Variants in COL12A1 observed in about 807,000 individuals in gnomAD.
COL12A1 encodes collagen alpha-1(XII) chain.
A neutral mutation model predicts 349.7 loss-of-function variants in COL12A1; 114 were observed. The observed-to-expected ratio is 0.33, with a 90% CI of 0.28 to 0.38. The LOEUF (loss-of-function observed/expected upper bound fraction) is 0.38, where lower values mean the gene tolerates loss of function less well. Among genes scored for constraint, COL12A1 ranks in the 10% least tolerant of loss-of-function variants. COL12A1 has a pLI of 1.00. For synonymous variants in COL12A1, 1,369 were observed against 1,329.0 expected (o/e 1.03, Z -0.66); for missense variants, 3,284 against 3,756.9 (o/e 0.87, Z 3.29).
chr6:75,184,200 T>C, intron 8 of COL12A1, 56 bp from the exon 9 acceptor site: 8 of 1,552,162 alleles, frequency 5.2e-6, no homozygotes, highest in Non-Finnish European at 7.0e-6. Flanking sequence ...CCTTACTAAT[T>C]TGGTCTTTAG....
At chr6:75,133,558 C>A (rs1298243636) in intron 33 of COL12A1, 136 bp from the exon 34 acceptor site, 2 of 902,312 alleles carry the variant, frequency 2.2e-6, no homozygotes, top group Admixed American at 2.8e-5. Flanking sequence ...AATAAGCCCC[C>A]ACATGACCTG....
Position 75,133,314 on chromosome 6 carries a change from T to G in COL12A1, c.5773A>C (p.Thr1925Pro), listed in dbSNP as rs759922276. The G allele has an allele frequency of 6.2e-7, 1 of 1,602,096 alleles. No homozygotes were observed. Residue 1925 changes from threonine (T) to proline (P), a missense_variant, in exon 34 of 66, where the codon ACA (threonine) becomes CCA (proline). Around this residue, in one of 2 missense-constraint regions of COL12A1, gnomAD observed 2,601 missense variants for 2,824.8 expected, o/e 0.92. Coordinates refer to ENST00000322507, the MANE Select transcript of COL12A1 (RefSeq NM_004370.6). Reference protein sequence around the residue: ...PVYTEGDGGRTSDTGRTLMRG... With the variant: ...PVYTEGDGGRPSDTGRTLMRG... ...TTACATGTCCTTCCAGTATCTGATG[T>G]GCGTCCCCCATCACCTTCAGTATAA... is the stretch of plus-strand genomic sequence containing the variant.
intron 21 of COL12A1, 68 bp downstream of exon 21, chr6:75,151,073 C>CCACAA: frequency 7.0e-6 from 5 of 714,238 alleles, no homozygotes; most frequent in South Asian, 3.7e-5. Context: ...CCCCCCCACC[C>CCACAA]AAAAGAATAA....
At chr6:75,106,740 A>G (rs1408683833) in intron 52 of COL12A1, among the ~76,000 whole-genome samples, 29 of 152,100 alleles carry the variant, frequency 1.9e-4, no homozygotes, top group Admixed American at 1.9e-3. Context: ...GCCAAAATGC[A>G]TGTTTGAACA....
chr6:75,101,946 G>A (rs1293168715), intron 57 of COL12A1, 53 bp downstream of exon 57: 3 of 1,595,122 alleles, frequency 1.9e-6, no homozygotes, highest in Non-Finnish European at 2.6e-6. Context: ...TGAGGCACTA[G>A]AAAAGGAAAT....
chr6:75,177,946 A>G lies in COL12A1; in HGVS notation c.2165-11T>C, dbSNP rs762174422. The G allele has an allele frequency of 6.3e-7, 1 of 1,580,936 alleles. No individual in the cohort carries two copies. Reference sequence around the variant, plus strand: ...GAGGTGCTCCTTTTACTGAAATAAAAAAGGAAAAATAGATTTTAAACCATA... The same window carrying G: ...GAGGTGCTCCTTTTACTGAAATAAAGAAGGAAAAATAGATTTTAAACCATA... On this transcript the variant is annotated splice_polypyrimidine_tract_variant and intron_variant, in intron 11 of 65. Coordinates refer to ENST00000322507, the MANE Select transcript of COL12A1 (RefSeq NM_004370.6).
chr6:75,141,822 C>A (rs1766905324), intron 27 of COL12A1, among the ~76,000 whole-genome samples: 1 of 152,074 alleles, frequency 6.6e-6, no homozygotes, highest in Non-Finnish European at 1.5e-5. Context: ...ATGACAGTGG[C>A]TGATGGAAAG....
chr6:75,183,801 T>C, intron 9 of COL12A1, 53 bp downstream of exon 9: 2 of 1,592,074 alleles, frequency 1.3e-6, no homozygotes, highest in Non-Finnish European at 1.7e-6. Flanking sequence ...TAAGGCATTC[T>C]GTCAAACAGA....
chr6:75,204,572 C>A (rs1165829080), intron 1 of COL12A1, among the ~76,000 whole-genome samples: 1 of 152,180 alleles, frequency 6.6e-6, no homozygotes. Flanking sequence ...AGCAACACTT[C>A]ATTGAGCATT....
At position 75,154,436 on chromosome 6, in the gene COL12A1, A is replaced by T. The variant is rs377419488; in HGVS notation, c.3545T>A (p.Val1182Asp). 9.3e-6 allele frequency: 15 copies of T among 1,612,140 alleles called. No individual in the cohort carries two copies. Among genetic ancestry groups the T allele is most frequent in the Non-Finnish European group, 1.3e-5 (15 of 1,178,866 alleles). The change falls in exon 17 of 66, where the codon GTT becomes GAT. Residue 1182 changes from valine to aspartate, a missense_variant. Val to Asp is a radical substitution (Grantham distance 152). Transcript: ENST00000322507. ...CTTACCAGAAGATAAAATTGGCATA[A>T]CAGTTGTGTCGGAAAGGGTTGTCAT... ...QEMTTLSDTT[V>D]MPILSSGMEC...
intron 17 of COL12A1, 119 bp from the exon 18 acceptor site, chr6:75,152,601 A>G (rs1767551000): frequency 9.0e-7 from 1 of 1,112,028 alleles, no homozygotes; most frequent in Non-Finnish European, 1.3e-6. Context: ...ACTATGGTCT[A>G]GCTCAGTGAT....
chr6:75,139,078 A>G (rs1416412578), intron 27 of COL12A1, 117 bp from the exon 28 acceptor site: 2 of 1,180,144 alleles, frequency 1.7e-6, no homozygotes, highest in Non-Finnish European at 1.2e-6. Flanking sequence ...GATTGAATAC[A>G]TTGCTTAGAA....
At chr6:75,191,840 TAGTTTTTG>T in intron 4 of COL12A1, 80 bp from the exon 5 acceptor site, 3 of 852,924 alleles carry the variant, frequency 3.5e-6, no homozygotes, top group Non-Finnish European at 5.0e-6. Context: ...TATATTATAT[TAGTTTTTG>T]TTATTGTCTC....
chr6:75,165,762 C>T lies in COL12A1; in HGVS notation c.2728G>A (p.Asp910Asn), dbSNP rs1324089499. 6.2e-7 allele frequency: 1 copy of T among 1,613,722 alleles called. No homozygotes were observed. ...TCAGTGATGTCTTTAGTAACTAAAT[C>T]TTGAGGAGAACCACGTTCTAGAACA... ...TTLEERGSPQ[D>N]LVTKDITDTS... The change falls in exon 14 of 66, where the codon GAT (aspartate) becomes AAT (asparagine). Residue 910 changes from aspartate (D) to asparagine (N), a missense_variant. Asp to Asn is a conservative substitution (Grantham distance 23, BLOSUM62 1). Coordinates refer to ENST00000322507, the MANE Select transcript of COL12A1 (RefSeq NM_004370.6).
At chr6:75,144,421 C>A (rs1767072144) in intron 25 of COL12A1, among the ~76,000 whole-genome samples, 1 of 152,150 alleles carries the variant, frequency 6.6e-6, no homozygotes, top group Non-Finnish European at 1.5e-5. Flanking sequence ...CTCTTCTCTG[C>A]CCCATCATGC....
At chr6:75,118,873 A>T (rs896755549) in intron 46 of COL12A1, among the ~76,000 whole-genome samples, 170 bp downstream of exon 46, 2 of 152,232 alleles carry the variant, frequency 1.3e-5, no homozygotes, top group African/African-American at 2.4e-5. Context: ...ATTTTTGAGC[A>T]GTTGCAAACC....
At chr6:75,109,331 C>T (rs2149353355) in intron 51 of COL12A1, among the ~76,000 whole-genome samples, 164 bp from the exon 52 acceptor site, 1 of 152,180 alleles carries the variant, frequency 6.6e-6, no homozygotes. Flanking sequence ...TTGATGAAAT[C>T]ATTTGCTAAT....
intron 14 of COL12A1, among the ~76,000 whole-genome samples, chr6:75,161,259 A>G (rs997401274): frequency 9.9e-5 from 15 of 152,204 alleles, no homozygotes; most frequent in African/African-American, 3.6e-4. Flanking sequence ...TTTCTCATCA[A>G]TGTTATGATA....
In COL12A1 at chr6:75,119,143, C is replaced by G; in HGVS notation, c.7254G>C (p.Glu2418Asp). The G allele has an allele frequency of 6.2e-7, 1 of 1,613,978 alleles. No individual in the cohort carries two copies. Among genetic ancestry groups the G allele is most frequent in the Non-Finnish European group, 8.5e-7 (1 of 1,179,924 alleles). Residue 2418 changes from glutamate (E) to aspartate (D), a missense_variant, in exon 46 of 66, where the codon GAG becomes GAC. By Grantham distance (45) the Glu-to-Asp change is conservative. Transcript: ENST00000322507. ...TAGGGACATTCTTCCTCATGCCGCT[C>G]TCCCAAGTCAAGACTTTCTCCTTGA... Reference protein sequence around the residue: ...TFIKEKVLTWESGMRKNVPKV... With the variant: ...TFIKEKVLTWDSGMRKNVPKV...
Sources: allele counts gnomAD v4.1 joint callset (sites outside exome capture counted in the v4.1 genomes callset), GRCh38; gene constraint gnomAD v4.1.1; regional missense constraint gnomAD v4.1.1; transcripts MANE v1.5; gene names NCBI Gene and HGNC (gene_info 2026-07-23, HGNC 2026-07-21).